The following EP300 variants were observed in gnomAD, a reference collection of about 807,000 sequenced individuals.
EP300 encodes EP300 lysine acetyltransferase, also known as histone acetyltransferase p300.
Under a neutral mutation model 264.0 loss-of-function variants are expected in EP300, and 31 were observed. The ratio of observed to expected loss-of-function variants is 0.12; its 90% CI spans 0.09 to 0.16. The LOEUF is 0.16. Ranked by LOEUF, EP300 falls within the 10% of genes least tolerant of loss-of-function variation. The pLI, the probability that EP300 is intolerant of heterozygous loss-of-function variation, is 1.00. For synonymous variants in EP300, 1,340 were observed against 1,045.4 expected (o/e 1.28, Z -5.44); for missense variants, 2,766 against 3,052.9 (o/e 0.91, Z 2.21).
intron 5 of EP300, among the ~76,000 whole-genome samples, chr22:41,130,830 C>G (rs915733034): frequency 6.7e-6 from 1 of 149,804 alleles, no homozygotes; most frequent in Admixed American, 6.7e-5. Flanking sequence ...AGAGAAAAGA[C>G]GAGATTAACA....
At chr22:41,157,454 T>G in intron 18 of EP300, 46 bp downstream of exon 18, 1 of 1,591,630 alleles carries the variant, frequency 6.3e-7, no homozygotes, top group Non-Finnish European at 8.6e-7. Context: ...CTGGGATACC[T>G]AGAATAATAT....
Position 41,178,928 on chromosome 22 carries a change from T to C in EP300, c.7217T>C (p.Leu2406Pro), listed in dbSNP as rs200553663. Residue 2406 changes from leucine to proline, a missense_variant, in exon 31 of 31, where the codon CTC becomes CCC. Transcript: ENST00000263253. ...GATAACTCAGACTTGAATTCAAACC[T>C]CTCACAGAGTACACTAGACATACAC... ...STDNSDLNSN[L>P]SQSTLDIH 6.2e-7 allele frequency: 1 copy of C among 1,614,136 alleles called. No homozygotes were observed. Among genetic ancestry groups the C allele is most frequent in the East Asian group, 2.2e-5 (1 of 44,888 alleles).
chr22:41,092,597 G>A lies in EP300; in HGVS notation c.-408G>A. ...CCCCGCCTCCTTGTGGCGATGAGAA[G>A]GAGGAGGACAGCGCCGAGGAGGAAG... On this transcript the variant is annotated 5_prime_UTR_variant, in exon 1 of 31. Transcript: ENST00000263253. 1.7e-6 allele frequency: 1 copy of A among 574,594 alleles called. No individual in the cohort carries two copies. Among genetic ancestry groups the A allele is most frequent in the Non-Finnish European group, 3.2e-6 (1 of 314,952 alleles). The allele number at this position is 574,594 out of a possible 1,614,324, so 35.6% of individuals were successfully genotyped here. A position where few individuals can be genotyped will look rare whatever the true frequency, so the allele number is the denominator to read the frequency against.
intron 19 of EP300, chr22:41,158,719 C>G: frequency 3.7e-6 from 2 of 535,112 alleles, no homozygotes; most frequent in Non-Finnish European, 3.4e-6. Flanking sequence ...CTCCCAAGAG[C>G]TTGAGAAGTT....
intron 21 of EP300, among the ~76,000 whole-genome samples, chr22:41,163,349 G>T (rs974695518): frequency 1.6e-4 from 23 of 147,852 alleles, no homozygotes; most frequent in African/African-American, 5.2e-4. Context: ...GCAGGAGAAT[G>T]GCGTGAACCT....
At chr22:41,106,363 A>G (rs969408641) in intron 1 of EP300, among the ~76,000 whole-genome samples, 20 of 152,172 alleles carry the variant, frequency 1.3e-4, no homozygotes, top group African/African-American at 2.4e-5. Flanking sequence ...TTTCAACTCC[A>G]TTCTTTTTTT....
chr22:41,140,118 TG>T, intron 8 of EP300, 21 bp from the exon 9 acceptor site: 1 of 1,503,160 alleles, frequency 6.7e-7, no homozygotes, highest in Non-Finnish European at 9.3e-7. Context: ...GATATTACAG[TG>T]GTAGGATTTT....
intron 1 of EP300, among the ~76,000 whole-genome samples, chr22:41,112,231 C>T (rs560817824): frequency 5.3e-5 from 8 of 150,272 alleles, no homozygotes; most frequent in Non-Finnish European, 8.9e-5. Flanking sequence ...GCTCTGTCAC[C>T]CAGCCTGGAG....
intron 1 of EP300, among the ~76,000 whole-genome samples, chr22:41,097,558 C>T (rs1434068510): frequency 5.3e-5 from 8 of 152,086 alleles, no homozygotes; most frequent in African/African-American, 1.9e-4. Flanking sequence ...GTTGCAGATA[C>T]AAGTGGGAGT....
intron 1 of EP300, among the ~76,000 whole-genome samples, chr22:41,116,150 T>G (rs75066103): frequency 0.019 from 2,904 of 152,338 alleles, 53 homozygotes; most frequent in Non-Finnish European, 0.028. Flanking sequence ...TGTTGCACTT[T>G]TTTTTTAACA....
chr22:41,116,416 C>T (rs1039281804), intron 1 of EP300, among the ~76,000 whole-genome samples: 2 of 152,080 alleles, frequency 1.3e-5, no homozygotes, highest in African/African-American at 4.8e-5. Context: ...CTCTCTGTGT[C>T]CATGTGTTCG....
chr22:41,127,902 A>AT (rs1177433519), intron 4 of EP300, among the ~76,000 whole-genome samples, 154 bp downstream of exon 4: 1 of 152,236 alleles, frequency 6.6e-6, no homozygotes, highest in East Asian at 1.9e-4. Flanking sequence ...AAATGTATAC[A>AT]TTAGACCAGG....
intron 6 of EP300, among the ~76,000 whole-genome samples, chr22:41,134,060 A>G (rs1488736365): frequency 6.6e-6 from 1 of 152,132 alleles, no homozygotes; most frequent in Non-Finnish European, 1.5e-5. Context: ...CAGTTGTGCT[A>G]ATGCTCATTG....
chr22:41,142,849 G>A (rs1313883775), intron 10 of EP300, among the ~76,000 whole-genome samples: 2 of 152,066 alleles, frequency 1.3e-5, no homozygotes, highest in East Asian at 3.9e-4. Flanking sequence ...TTGTGCCTCT[G>A]CACTCCAGCC....
chr22:41,155,204 C>G, intron 17 of EP300, 91 bp downstream of exon 17: 7 of 989,536 alleles, frequency 7.1e-6, no homozygotes, highest in African/African-American at 1.6e-5. Flanking sequence ...TATAGCCACT[C>G]ATTTCAAATT....
Position 41,141,849 on chromosome 22 carries a change from G to T in EP300, c.2053+627G>T, listed in dbSNP as rs147140858. Among the ~76,000 whole-genome samples, 1,146 of 151,894 alleles carry T rather than the reference G, an allele frequency of 7.5e-3. 114 individuals carry two copies. The East Asian group carries it at 0.2, about 26-fold the overall frequency. Reference sequence around the variant, plus strand: ...ATGCCACCACGCCTGTCTAATTTTTGTATTTTTCGTAGAGACAGGGTTTTG... The same window carrying T: ...ATGCCACCACGCCTGTCTAATTTTTTTATTTTTCGTAGAGACAGGGTTTTG... On this transcript the variant is annotated intron_variant, in intron 10 of 30. Transcript: ENST00000263253.
chr22:41,110,117 GC>G (rs60023863), intron 1 of EP300, among the ~76,000 whole-genome samples: 9,803 of 65,478 alleles, frequency 0.15, 620 homozygotes, highest in Middle Eastern at 0.23. Flanking sequence ...CCTGTTCCCT[GC>G]CCCCCCCCCC....
intron 1 of EP300, among the ~76,000 whole-genome samples, chr22:41,111,737 T>G (rs936963412): frequency 3.4e-4 from 52 of 151,540 alleles, no homozygotes; most frequent in African/African-American, 1.2e-3. Context: ...ACGGGGTTTC[T>G]CCATGTTGCT....
intron 1 of EP300, among the ~76,000 whole-genome samples, chr22:41,112,102 A>G (rs1217490719): frequency 1.2e-4 from 18 of 148,100 alleles, no homozygotes; most frequent in Non-Finnish European, 2.7e-4. Flanking sequence ...GTTAGCCAGG[A>G]TGGTCTCAAT....
Sources: allele counts gnomAD v4.1 joint callset (sites outside exome capture counted in the v4.1 genomes callset), GRCh38; gene constraint gnomAD v4.1.1; transcripts MANE v1.5; gene names NCBI Gene and HGNC (gene_info 2026-07-23, HGNC 2026-07-21).